Variants in RAB30 observed in about 807,000 individuals in gnomAD.
RAB30 encodes the protein RAB30, member RAS oncogene family, also known as ras-related protein Rab-30.
In RAB30, 9 loss-of-function variants were observed where a neutral mutation model predicts 25.1. That is an observed-to-expected ratio of 0.36 (90% CI 0.22 to 0.63). The LOEUF is 0.63. RAB30 is among the 20% of genes least tolerant of loss of function. The pLI is 0.69. For missense variants in RAB30, 140 were observed against 243.5 expected (o/e 0.58, Z 2.83); for synonymous variants, 77 against 86.4 (o/e 0.89, Z 0.60).
intron 1 of RAB30, among the ~76,000 whole-genome samples, chr11:83,070,385 G>A (rs1244208414): frequency 1.3e-5 from 2 of 152,226 alleles, no homozygotes; most frequent in Admixed American, 1.3e-4. Context: ...CTAAGGATCT[G>A]AATTTAAAAT....
At chr11:83,001,100 TG>T (rs1857074099) in intron 1 of RAB30, among the ~76,000 whole-genome samples, 1 of 151,208 alleles carries the variant, frequency 6.6e-6, no homozygotes, top group South Asian at 2.1e-4. Flanking sequence ...TTATCTCATG[TG>T]GTTACCACCT....
chr11:82,987,567 C>A lies in RAB30; in HGVS notation c.361+20G>T. On this transcript the variant is annotated intron_variant, in intron 4 of 4. Transcript: ENST00000527633. ...CTAATGCCCACAAATCAATTTCCCT[C>A]CTCGTTAGCCCTTACTTACCCACTA... 6.3e-7 allele frequency: 1 copy of A among 1,582,544 alleles called. No homozygotes were observed. Among genetic ancestry groups the A allele is most frequent in the Non-Finnish European group, 8.6e-7 (1 of 1,159,160 alleles).
At chr11:83,028,233 T>C (rs78722437) in intron 1 of RAB30, among the ~76,000 whole-genome samples, 2,316 of 152,316 alleles carry the variant, frequency 0.015, 70 homozygotes, top group African/African-American at 0.054. Context: ...TAGCAGACTT[T>C]TTTTAAATCT....
rs779422821 is a variant in RAB30 at position 83,042,252 on chromosome 11, G to A, written c.-9+29439C>T. ...TGGAAGGATGCTAACACCAAATGTC[G>A]AGACTTAAAACAAATCTAGGCCAGT... On this transcript the variant is annotated intron_variant, in intron 1 of 4. Coordinates refer to ENST00000527633, the MANE Select transcript of RAB30 (RefSeq NM_001286060.2). Among the ~76,000 whole-genome samples the A allele has an allele frequency of 2.1e-4, 32 of 151,764 alleles. 1 individual carries two copies. The highest frequency in any genetic ancestry group is 6.0e-4 in the African/African-American group (25 of 41,410).
chr11:83,042,122 T>C (rs989098672), intron 1 of RAB30, among the ~76,000 whole-genome samples: 10 of 152,096 alleles, frequency 6.6e-5, no homozygotes, highest in African/African-American at 9.7e-5. Flanking sequence ...GAAAACTATA[T>C]ATTCCTTCAG....
intron 1 of RAB30, among the ~76,000 whole-genome samples, chr11:82,997,844 G>A (rs1228969213): frequency 1.3e-5 from 2 of 152,128 alleles, no homozygotes; most frequent in Non-Finnish European, 2.9e-5. Flanking sequence ...CTTACAAATG[G>A]TAGTCATAGC....
At chr11:83,044,343 G>A (rs1033444417) in intron 1 of RAB30, among the ~76,000 whole-genome samples, 16 of 152,086 alleles carry the variant, frequency 1.1e-4, no homozygotes, top group Admixed American at 7.2e-4. Context: ...AATTATTAAC[G>A]CTGTATATTG....
chr11:83,057,499 C>T (rs1206042795), intron 1 of RAB30, among the ~76,000 whole-genome samples: 3 of 152,092 alleles, frequency 2.0e-5, no homozygotes, highest in Non-Finnish European at 4.4e-5. Flanking sequence ...CTTTTGTCTG[C>T]CAAAACAATT....
At position 82,974,658 on chromosome 11, in the gene RAB30, A is replaced by G. The variant is rs1283837728; in HGVS notation, c.*7507T>C. On this transcript the variant is annotated 3_prime_UTR_variant, in exon 5 of 5. Coordinates refer to ENST00000527633, the MANE Select transcript of RAB30 (RefSeq NM_001286060.2). Reference sequence around the variant, plus strand: ...GTGATTAACCTGTTTATTAGTTAAAACTATGTATGTATTAATATTAAAGAT... The same window carrying G: ...GTGATTAACCTGTTTATTAGTTAAAGCTATGTATGTATTAATATTAAAGAT... The G allele has an allele frequency of 6.6e-6, 1 of 152,172 alleles. No individual in the cohort carries two copies. The highest frequency in any genetic ancestry group is 6.5e-5 in the Admixed American group (1 of 15,268). The allele number at this position is 152,172 out of a possible 1,614,324, so 9.4% of individuals were successfully genotyped here. A position where few individuals can be genotyped will look rare whatever the true frequency, so the allele number is the denominator to read the frequency against.
chr11:83,061,710 C>CTTTTTTTT (rs569263010), intron 1 of RAB30, among the ~76,000 whole-genome samples: 13 of 79,874 alleles, frequency 1.6e-4, no homozygotes, highest in African/African-American at 3.5e-4. Context: ...TCTTTCTTTT[C>CTTTTTTTT]TTTTTTTTTT....
At chr11:83,057,519 C>T (rs1858481658) in intron 1 of RAB30, among the ~76,000 whole-genome samples, 1 of 152,108 alleles carries the variant, frequency 6.6e-6, no homozygotes, top group Non-Finnish European at 1.5e-5. Flanking sequence ...TAACATTTAA[C>T]ATGGCTAATT....
At chr11:83,040,365 G>A (rs1204629501) in intron 1 of RAB30, among the ~76,000 whole-genome samples, 1 of 152,016 alleles carries the variant, frequency 6.6e-6, no homozygotes, top group African/African-American at 2.4e-5. Flanking sequence ...GAGTTGGGTG[G>A]ATCACCTGAT....
At position 83,062,834 on chromosome 11, in the gene RAB30, C is replaced by G. The variant is rs549136441; in HGVS notation, c.-9+8857G>C. Among the ~76,000 whole-genome samples, 8 of 151,554 alleles carry G rather than the reference C, an allele frequency of 5.3e-5. No individual in the cohort carries two copies. The East Asian group carries it at 1.5e-3, about 29-fold the overall frequency. Reference sequence around the variant, plus strand: ...TGGCCAACAAGGCGGAACCCCATCTCTACTAAAAATACAAAAAAATTAGCC... The same window carrying G: ...TGGCCAACAAGGCGGAACCCCATCTGTACTAAAAATACAAAAAAATTAGCC... On this transcript the variant is annotated intron_variant, in intron 1 of 4. Coordinates refer to ENST00000527633, the MANE Select transcript of RAB30 (RefSeq NM_001286060.2).
chr11:83,063,637 G>A (rs963618246), intron 1 of RAB30, among the ~76,000 whole-genome samples: 1 of 152,096 alleles, frequency 6.6e-6, no homozygotes, highest in African/African-American at 2.4e-5. Flanking sequence ...TTCACCCTTC[G>A]CAACTAGCTT....
intron 1 of RAB30, among the ~76,000 whole-genome samples, chr11:83,018,576 T>C (rs1220186250): frequency 1.3e-5 from 2 of 152,236 alleles, no homozygotes; most frequent in Admixed American, 6.5e-5. Context: ...GAGTTCCTTG[T>C]AGATTCTGGA....
chr11:83,024,308 C>T lies in RAB30; in HGVS notation c.-8-26984G>A, dbSNP rs544574493. Among the ~76,000 whole-genome samples, 11 of 152,308 alleles carry T rather than the reference C, an allele frequency of 7.2e-5. No homozygotes were observed. In the South Asian group the frequency reaches 2.3e-3, roughly 32 times the overall value. ...CCAACTTCTTACACTGGCCCTGTGT[C>T]CAGCAAGGACACAGCGAGCAAGCTC... On this transcript the variant is annotated intron_variant, in intron 1 of 4. Coordinates refer to ENST00000527633, the MANE Select transcript of RAB30 (RefSeq NM_001286060.2).
intron 4 of RAB30, among the ~76,000 whole-genome samples, chr11:82,984,653 A>T (rs1856705821): frequency 6.6e-6 from 1 of 152,220 alleles, no homozygotes; most frequent in Non-Finnish European, 1.5e-5. Flanking sequence ...ATGCACACAT[A>T]CACACAAGCT....
At position 83,056,270 on chromosome 11, in the gene RAB30, T is replaced by C. The variant is rs144000163; in HGVS notation, c.-9+15421A>G. 4.9e-4 allele frequency among the ~76,000 whole-genome samples: 74 copies of C among 152,366 alleles called. 1 individual carries two copies. In the East Asian group the frequency reaches 0.013, roughly 28 times the overall value. ...TAAATATCTCATATAATTGAAATCA[T>C]ACAAAATGTGTTTTTTTGTGACTGG... On this transcript the variant is annotated intron_variant, in intron 1 of 4. Transcript: ENST00000527633.
At chr11:83,064,008 T>C (rs1406292379) in intron 1 of RAB30, among the ~76,000 whole-genome samples, 3 of 152,202 alleles carry the variant, frequency 2.0e-5, no homozygotes, top group Non-Finnish European at 4.4e-5. Context: ...GACAGAAGAA[T>C]ACACATCAAA....
Sources: allele counts gnomAD v4.1 joint callset (sites outside exome capture counted in the v4.1 genomes callset), GRCh38; gene constraint gnomAD v4.1.1; transcripts MANE v1.5; gene names NCBI Gene and HGNC (gene_info 2026-07-23, HGNC 2026-07-21).